The following TECTB variants were observed in gnomAD, a reference collection of about 807,000 sequenced individuals.
The protein encoded by TECTB is tectorin beta, also known as beta-tectorin.
In TECTB, 45 loss-of-function variants were observed where a neutral mutation model predicts 43.3. The ratio of observed to expected loss-of-function variants is 1.04; its 90% CI spans 0.82 to 1.33. The LOEUF is 1.33. Ranked by LOEUF, TECTB falls within the 40% of genes most tolerant of loss-of-function variation. The pLI is 0.00. For missense variants in TECTB, 399 were observed against 404.7 expected (o/e 0.99, Z 0.12); for synonymous variants, 169 against 156.7 (o/e 1.08, Z -0.59).
At chr10:112,293,898 T>C in intron 6 of TECTB, 57 bp downstream of exon 6, 3 of 1,603,586 alleles carry the variant, frequency 1.9e-6, no homozygotes, top group Non-Finnish European at 2.6e-6. Flanking sequence ...AAAGACTAGC[T>C]GACATACTTT....
intron 5 of TECTB, among the ~76,000 whole-genome samples, chr10:112,293,232 T>C (rs181273323): frequency 6.6e-6 from 1 of 152,318 alleles, no homozygotes; most frequent in African/African-American, 2.4e-5. Flanking sequence ...CAACACATAG[T>C]AGTTGATCAA....
chr10:112,293,990 C>G lies in TECTB; in HGVS notation c.600C>G (p.Val200=). The G allele has an allele frequency of 1.2e-6, 2 of 1,614,162 alleles. No homozygotes were observed. Among genetic ancestry groups the G allele is most frequent in the Middle Eastern group, 1.6e-4 (1 of 6,062 alleles). Residue 200 remains valine (V), a synonymous_variant, in exon 7 of 11, where the codon GTC becomes GTG. Transcript: ENST00000646139. ...AKGLSIRFKV[V]LNSCWATPSA... ...GTTTTATTTCCAGGTTTAAAGTGGTCTTGAACAGCTGTTGGGCCACCCCCT... is the reference window on the plus strand; with the variant it reads ...GTTTTATTTCCAGGTTTAAAGTGGTGTTGAACAGCTGTTGGGCCACCCCCT...
At chr10:112,289,147 T>A (rs999925271) in intron 5 of TECTB, among the ~76,000 whole-genome samples, 5 of 152,218 alleles carry the variant, frequency 3.3e-5, no homozygotes, top group African/African-American at 1.2e-4. Flanking sequence ...CAGTGCCTGG[T>A]ACAAGTTAAG....
chr10:112,298,101 A>G lies in TECTB; in HGVS notation c.704A>G (p.Glu235Gly), dbSNP rs780002494. 6.2e-7 allele frequency: 1 copy of G among 1,614,224 alleles called. No homozygotes were observed. Among genetic ancestry groups the G allele is most frequent in the East Asian group, 2.2e-5 (1 of 44,880 alleles). The change falls in exon 8 of 11, where the codon GAG (glutamate) becomes GGG (glycine). Residue 235 changes from glutamate (E) to glycine (G), a missense_variant. Transcript: ENST00000646139. ...CPTDETVLVH[E>G]NGRDHRATFQ... The stretch of plus-strand genomic sequence containing the variant: ...ACGGATGAAACCGTCCTCGTGCATG[A>G]GAATGGGAGAGATCACAGGGCAACC...
At chr10:112,294,602 A>G (rs999838633) in intron 7 of TECTB, among the ~76,000 whole-genome samples, 6 of 152,186 alleles carry the variant, frequency 3.9e-5, no homozygotes, top group African/African-American at 1.4e-4. Context: ...GGGAGCTTTT[A>G]CAATTTGGAG....
intron 2 of TECTB, among the ~76,000 whole-genome samples, chr10:112,284,028 T>C (rs10885325): frequency 0.079 from 12,093 of 152,130 alleles, 663 homozygotes; most frequent in East Asian, 0.23. Flanking sequence ...TAGAGAATGC[T>C]TGCTCTATTT....
intron 5 of TECTB, among the ~76,000 whole-genome samples, chr10:112,288,220 T>G (rs924038934): frequency 6.6e-6 from 1 of 152,184 alleles, no homozygotes; most frequent in African/African-American, 2.4e-5. Flanking sequence ...TTACAATAGT[T>G]GGCAACACGG....
intron 7 of TECTB, among the ~76,000 whole-genome samples, chr10:112,296,769 G>C (rs541081325): frequency 6.6e-6 from 1 of 152,218 alleles, no homozygotes; most frequent in African/African-American, 2.4e-5. Flanking sequence ...TGTTTCTGAG[G>C]GAAAAGGGGT....
intron 5 of TECTB, among the ~76,000 whole-genome samples, chr10:112,290,388 G>A (rs1848488128): frequency 6.6e-6 from 1 of 152,240 alleles, no homozygotes; most frequent in South Asian, 2.1e-4. Flanking sequence ...TATAGAGAAA[G>A]TAGGGGAAAA....
At chr10:112,297,980 C>T in intron 7 of TECTB, 89 bp from the exon 8 acceptor site, 1 of 1,578,460 alleles carries the variant, frequency 6.3e-7, no homozygotes, top group Admixed American at 1.7e-5. Flanking sequence ...CATATAACCA[C>T]CTCGGGAGCC....
chr10:112,299,110 G>GA (rs948043806), intron 8 of TECTB, among the ~76,000 whole-genome samples: 2 of 152,126 alleles, frequency 1.3e-5, no homozygotes, highest in African/African-American at 4.8e-5. Flanking sequence ...TTTTTAAAAA[G>GA]AAAGAAAAGA....
intron 8 of TECTB, among the ~76,000 whole-genome samples, chr10:112,298,520 T>C (rs1385775631): frequency 7.9e-5 from 12 of 152,108 alleles, no homozygotes; most frequent in Admixed American, 7.9e-4. Flanking sequence ...CCTTCCCTCA[T>C]CAGAGGGCAG....
chr10:112,302,558 T>G (rs1848620957), intron 10 of TECTB: 1 of 392,508 alleles, frequency 2.5e-6, no homozygotes, highest in Non-Finnish European at 4.5e-6. Flanking sequence ...GTTTCCTCTG[T>G]GAAATTGGGC....
chr10:112,296,681 C>T (rs1589640467), intron 7 of TECTB, among the ~76,000 whole-genome samples: 1 of 152,280 alleles, frequency 6.6e-6, no homozygotes, highest in East Asian at 1.9e-4. Flanking sequence ...TACAAAGGTA[C>T]AGCATTCCCT....
chr10:112,284,438 C>T (rs558576820), intron 2 of TECTB, 97 bp from the exon 3 acceptor site: 4 of 1,250,480 alleles, frequency 3.2e-6, no homozygotes, highest in South Asian at 4.7e-5. Context: ...TAACCAACTG[C>T]TTTTGCATGC....
At chr10:112,301,597 C>G (rs1037269830) in intron 9 of TECTB, among the ~76,000 whole-genome samples, 1 of 151,996 alleles carries the variant, frequency 6.6e-6, no homozygotes, top group Non-Finnish European at 1.5e-5. Context: ...TTTTTCTTTT[C>G]AGAAAGCTTA....
chr10:112,286,076 G>A lies in TECTB; in HGVS notation c.273G>A (p.Lys91=). Reference sequence around the variant, plus strand: ...TGTCTCCTTTCTTTGTCCAGTACAAGCCACCTATCTATCACTTCTACAGTC... The same window carrying A: ...TGTCTCCTTTCTTTGTCCAGTACAAACCACCTATCTATCACTTCTACAGTC... The part of the protein sequence containing the change: ...KSYCGTQSEY[K]PPIYHFYSHI... Residue 91 remains lysine (K), a synonymous_variant, in exon 4 of 11, where the codon AAG becomes AAA. Coordinates refer to ENST00000646139, the MANE Select transcript of TECTB (RefSeq NM_058222.3). 6.2e-7 allele frequency: 1 copy of A among 1,614,062 alleles called. No individual in the cohort carries two copies. The highest frequency in any genetic ancestry group is 2.2e-5 in the East Asian group (1 of 44,882).
Position 112,293,722 on chromosome 10 carries a change from CAATTTCCTTCCAAAG to C in TECTB, c.484-12_486del. Reference sequence around the variant, plus strand: ...TCTGAGAGTTCATAATGCCCAGTGTCAATTTCCTTCCAAAGAATGCCAAGTTCTCCATCAAGAAAG... The same window carrying C: ...TCTGAGAGTTCATAATGCCCAGTGTCAATGCCAAGTTCTCCATCAAGAAAG... On this transcript the variant is annotated splice_acceptor_variant and splice_polypyrimidine_tract_variant and intron_variant, in intron 5 of 10. Transcript: ENST00000646139. LOFTEE classifies it high-confidence loss of function. 1 of 1,610,282 alleles carries C rather than the reference CAATTTCCTTCCAAAG, an allele frequency of 6.2e-7. No individual in the cohort carries two copies. The highest frequency in any genetic ancestry group is 8.5e-7 in the Non-Finnish European group (1 of 1,176,572).
intron 3 of TECTB, among the ~76,000 whole-genome samples, chr10:112,285,570 A>G (rs1344930916): frequency 6.6e-6 from 1 of 152,218 alleles, no homozygotes; most frequent in Non-Finnish European, 1.5e-5. Flanking sequence ...TTTCAAGTGG[A>G]TGTTCAAGAT....
Sources: allele counts gnomAD v4.1 joint callset (sites outside exome capture counted in the v4.1 genomes callset), GRCh38; gene constraint gnomAD v4.1.1; transcripts MANE v1.5; gene names NCBI Gene and HGNC (gene_info 2026-07-23, HGNC 2026-07-21).